Variants in CTNNA2 observed in about 807,000 individuals in gnomAD.
CTNNA2 encodes catenin alpha-2.
In CTNNA2, 42 loss-of-function variants were observed where a neutral mutation model predicts 101.0. That is an observed-to-expected ratio of 0.42 (90% CI 0.32 to 0.54). The LOEUF (loss-of-function observed/expected upper bound fraction) is 0.54, where lower values mean the gene tolerates loss of function less well. Among genes scored for constraint, CTNNA2 ranks in the 20% least tolerant of loss-of-function variants. The pLI is 0.14. For synonymous variants in CTNNA2, 450 were observed against 456.4 expected (o/e 0.99, Z 0.18); for missense variants, 871 against 1,223.1 (o/e 0.71, Z 4.29).
intron 6 of CTNNA2, among the ~76,000 whole-genome samples, chr2:79,879,376 G>A (rs914960857): frequency 2.5e-4 from 38 of 151,940 alleles, no homozygotes; most frequent in African/African-American, 9.2e-4. Flanking sequence ...GTAGTTTGAT[G>A]GAAGTAGCAT....
intron 7 of CTNNA2, among the ~76,000 whole-genome samples, chr2:79,981,461 A>C (rs1691262864): frequency 6.6e-6 from 1 of 152,054 alleles, no homozygotes; most frequent in African/African-American, 2.4e-5. Context: ...TTCTGGGTGT[A>C]ATTTTTCAGC....
chr2:80,042,590 A>G (rs1696141392), intron 7 of CTNNA2, among the ~76,000 whole-genome samples: 1 of 152,094 alleles, frequency 6.6e-6, no homozygotes, highest in Non-Finnish European at 1.5e-5. Context: ...CAATGTGTCG[A>G]GAAGGATCTT....
At chr2:80,464,094 C>A (rs1428038602) in intron 9 of CTNNA2, among the ~76,000 whole-genome samples, 1 of 152,144 alleles carries the variant, frequency 6.6e-6, no homozygotes, top group African/African-American at 2.4e-5. Flanking sequence ...TTGATGCCTT[C>A]TCTCCCTCTC....
At chr2:80,416,804 C>G (rs1388206387) in intron 8 of CTNNA2, among the ~76,000 whole-genome samples, 1 of 151,782 alleles carries the variant, frequency 6.6e-6, no homozygotes, top group East Asian at 1.9e-4. Flanking sequence ...GAACAATATT[C>G]TGAGTTCTTG....
intron 3 of CTNNA2, among the ~76,000 whole-genome samples, chr2:79,827,002 T>G (rs528273259): frequency 1.3e-5 from 2 of 152,188 alleles, no homozygotes; most frequent in African/African-American, 4.8e-5. Context: ...ATTATATTTT[T>G]CAAGCAATTA....
chr2:80,050,823 C>T (rs1443372770), intron 7 of CTNNA2, among the ~76,000 whole-genome samples: 1 of 152,318 alleles, frequency 6.6e-6, no homozygotes, highest in East Asian at 1.9e-4. Context: ...GCCTCAGCTT[C>T]ATCCTCTCAC....
chr2:79,934,739 A>G (rs1235660098), intron 7 of CTNNA2, among the ~76,000 whole-genome samples: 1 of 152,168 alleles, frequency 6.6e-6, no homozygotes, highest in Non-Finnish European at 1.5e-5. Flanking sequence ...GCTCTTCCTC[A>G]TTTCCCCCCA....
At chr2:79,807,563 G>A (rs965005839) in intron 3 of CTNNA2, among the ~76,000 whole-genome samples, 1 of 152,084 alleles carries the variant, frequency 6.6e-6, no homozygotes, top group Non-Finnish European at 1.5e-5. Flanking sequence ...TCCAGACTTA[G>A]TGAATTTATT....
intron 7 of CTNNA2, among the ~76,000 whole-genome samples, chr2:80,179,917 A>G (rs1275777815): frequency 6.6e-6 from 1 of 152,192 alleles, no homozygotes; most frequent in Non-Finnish European, 1.5e-5. Flanking sequence ...AGAAGTGACC[A>G]CAGGATGAGT....
At chr2:80,486,325 A>T (rs893037932) in intron 9 of CTNNA2, among the ~76,000 whole-genome samples, 1 of 152,212 alleles carries the variant, frequency 6.6e-6, no homozygotes, top group African/African-American at 2.4e-5. Context: ...AGGCTCTGCA[A>T]TTAGGGCTTG....
chr2:79,241,884 A>ATTTTCTTTTCTTTTC (rs3979579), intron 2 of CTNNA2, among the ~76,000 whole-genome samples: 96 of 149,240 alleles, frequency 6.4e-4, no homozygotes, highest in African/African-American at 2.1e-3. Context: ...ACATTTGGGT[A>ATTTTCTTTTCTTTTC]TTTTCTTTTC....
chr2:79,234,429 T>C (rs951376217), intron 2 of CTNNA2, among the ~76,000 whole-genome samples: 9 of 152,208 alleles, frequency 5.9e-5, no homozygotes, highest in African/African-American at 1.9e-4. Context: ...GGGCATTCTT[T>C]ATAGGTGACC....
chr2:80,516,754 G>A lies in CTNNA2; in HGVS notation c.1291-28228G>A, dbSNP rs1396349523. On this transcript the variant is annotated intron_variant, in intron 9 of 18. Coordinates refer to ENST00000402739, the MANE Select transcript of CTNNA2 (RefSeq NM_001282597.3). ...TAGTCTTTGGAAGTTACCTGCCAAG[G>A]ACAGAATTTGGTCTCAAGTGAGCAA... Among the ~76,000 whole-genome samples, 4 of 152,174 alleles carry A rather than the reference G, an allele frequency of 2.6e-5. No homozygotes were observed. In the East Asian group the frequency reaches 7.7e-4, roughly 29 times the overall value.
chr2:80,192,603 T>A (rs1706579083), intron 7 of CTNNA2, among the ~76,000 whole-genome samples: 1 of 152,182 alleles, frequency 6.6e-6, no homozygotes, highest in South Asian at 2.1e-4. Context: ...CTTGGCTCAC[T>A]GCAACCTCTG....
intron 9 of CTNNA2, among the ~76,000 whole-genome samples, chr2:80,435,391 T>C (rs1369944250): frequency 2.6e-5 from 4 of 152,204 alleles, no homozygotes; most frequent in Non-Finnish European, 2.9e-5. Context: ...AGTAATTTGG[T>C]AAAAACCTCT....
intron 7 of CTNNA2, among the ~76,000 whole-genome samples, chr2:80,267,617 G>A (rs1242655385): frequency 6.6e-6 from 1 of 152,194 alleles, no homozygotes; most frequent in Non-Finnish European, 1.5e-5. Context: ...AGCTGGGAAG[G>A]AGACGATTCG....
At chr2:80,600,727 C>T (rs1015587315) in intron 15 of CTNNA2, among the ~76,000 whole-genome samples, 11 of 151,988 alleles carry the variant, frequency 7.2e-5, no homozygotes, top group Admixed American at 2.6e-4. Context: ...TGCCACTTTC[C>T]GCCTCCTTCT....
intron 1 of CTNNA2, among the ~76,000 whole-genome samples, chr2:79,520,471 A>C (rs903159641): frequency 3.3e-5 from 5 of 152,224 alleles, no homozygotes; most frequent in African/African-American, 4.8e-5. Context: ...GGACCCAAAA[A>C]GCACTAATCA....
intron 8 of CTNNA2, among the ~76,000 whole-genome samples, chr2:80,405,260 T>C (rs1318967445): frequency 6.6e-6 from 1 of 152,190 alleles, no homozygotes; most frequent in Non-Finnish European, 1.5e-5. Flanking sequence ...CAGAGAGATA[T>C]TACTATCAAA....
Sources: allele counts gnomAD v4.1 joint callset (sites outside exome capture counted in the v4.1 genomes callset), GRCh38; gene constraint gnomAD v4.1.1; transcripts MANE v1.5; gene names NCBI Gene and HGNC (gene_info 2026-07-23, HGNC 2026-07-21).